TTLL12: variants seen among roughly 807,000 people sequenced by gnomAD.
TTLL12 encodes the protein tubulin tyrosine ligase like 12.
In TTLL12, 77 loss-of-function variants were observed where a neutral mutation model predicts 79.6. That is an observed-to-expected ratio of 0.97 (90% confidence interval 0.81 to 1.17). The LOEUF (loss-of-function observed/expected upper bound fraction) is 1.17. TTLL12 is among the 50% of genes most tolerant of loss of function. TTLL12 has a pLI of 0.00. For synonymous variants in TTLL12, 437 were observed against 376.1 expected (o/e 1.16, Z -1.87); for missense variants, 969 against 895.9 (o/e 1.08, Z -1.04).
Position 43,167,955 on chromosome 22 carries a change from A to G in TTLL12, c.*53T>C. ...GGGGGCCTTTGCAGAAGCAGCTCAG[A>G]GAACTGAGGTTGGAATCCTGCCCCA... is the stretch of plus-strand genomic sequence containing the variant. On this transcript the variant is annotated 3_prime_UTR_variant, in exon 14 of 14. Coordinates refer to ENST00000216129, the MANE Select transcript of TTLL12 (RefSeq NM_015140.4). The G allele has an allele frequency of 6.3e-7, 1 of 1,585,682 alleles. No homozygotes were observed. The highest frequency in any genetic ancestry group is 8.6e-7 in the Non-Finnish European group (1 of 1,162,210).
chr22:43,169,317 T>C (rs191562294), intron 12 of TTLL12, among the ~76,000 whole-genome samples, 183 bp downstream of exon 12: 3 of 152,182 alleles, frequency 2.0e-5, no homozygotes, highest in Non-Finnish European at 2.9e-5. Context: ...CACCCACAAA[T>C]GCCCAGGGTG....
rs1931653510 is a variant in TTLL12 at position 43,167,701 on chromosome 22, G to T, written c.*307C>A. ...GCCAGGAACAAATTCTCCATGCCAG[G>T]AACAAAGCCCTTGGCTAAACTGGAG... is the stretch of plus-strand genomic sequence containing the variant. On this transcript the variant is annotated 3_prime_UTR_variant, in exon 14 of 14. Coordinates refer to ENST00000216129, the MANE Select transcript of TTLL12 (RefSeq NM_015140.4). The T allele has an allele frequency of 3.8e-6, 1 of 261,776 alleles. No individual in the cohort carries two copies. The highest frequency in any genetic ancestry group is 2.2e-5 in the African/African-American group (1 of 45,408). The allele number at this position is 261,776 out of a possible 1,614,324, so 16.2% of individuals were successfully genotyped here.
chr22:43,182,813 G>T (rs923041968), intron 2 of TTLL12, among the ~76,000 whole-genome samples, 167 bp downstream of exon 2: 1 of 152,248 alleles, frequency 6.6e-6, no homozygotes, highest in Non-Finnish European at 1.5e-5. Context: ...GCCACGGACA[G>T]TACTCTGAAG....
chr22:43,179,483 CA>C, intron 5 of TTLL12, 135 bp downstream of exon 5: 1 of 1,293,914 alleles, frequency 7.7e-7, no homozygotes, highest in African/African-American at 1.5e-5. Flanking sequence ...CAGAGGCTCC[CA>C]AAACTCTATG....
At chr22:43,179,317 G>A (rs1931991838) in intron 5 of TTLL12, among the ~76,000 whole-genome samples, 1 of 152,102 alleles carries the variant, frequency 6.6e-6, no homozygotes, top group Non-Finnish European at 1.5e-5. Context: ...GGCTGAGTGG[G>A]GCTCATGGCC....
At chr22:43,186,394 C>T (rs1216219090) in intron 1 of TTLL12, among the ~76,000 whole-genome samples, 1 of 152,222 alleles carries the variant, frequency 6.6e-6, no homozygotes, top group Non-Finnish European at 1.5e-5. Context: ...TCTCCTCCAC[C>T]TCTCACAGCC....
At chr22:43,179,381 G>T (rs1394865790) in intron 5 of TTLL12, among the ~76,000 whole-genome samples, 1 of 152,026 alleles carries the variant, frequency 6.6e-6, no homozygotes, top group African/African-American at 2.4e-5. Context: ...GACCCCCTGA[G>T]GACGGATGCC....
chr22:43,176,428 G>C, intron 5 of TTLL12, 32 bp from the exon 6 acceptor site: 1 of 1,568,530 alleles, frequency 6.4e-7, no homozygotes, highest in South Asian at 1.2e-5. Flanking sequence ...GTAGAGATGA[G>C]GTCAAGGAAG....
chr22:43,167,768 C>T lies in TTLL12; in HGVS notation c.*240G>A, dbSNP rs1390417272. On this transcript the variant is annotated 3_prime_UTR_variant, in exon 14 of 14. Coordinates refer to ENST00000216129, the MANE Select transcript of TTLL12 (RefSeq NM_015140.4). ...ATGGTGGTGAGGGGTGAGGGCAGGGCGTGGGGTGGTGCTCAGCCCTGGGGA... is the reference window on the plus strand; with the variant it reads ...ATGGTGGTGAGGGGTGAGGGCAGGGTGTGGGGTGGTGCTCAGCCCTGGGGA... 22 of 458,964 alleles carry T rather than the reference C, an allele frequency of 4.8e-5. No homozygotes were observed. Among genetic ancestry groups the T allele is most frequent in the Middle Eastern group, 5.8e-4 (1 of 1,712 alleles). 28.4% of individuals were successfully genotyped at this position (458,964 alleles called of 1,614,324 possible).
Position 43,180,898 on chromosome 22 carries a change from G to A in TTLL12, c.390C>T (p.His130=), listed in dbSNP as rs2071723. The stretch of plus-strand genomic sequence containing the variant: ...GCACCTGCTGCAGCTGCTGGCGCGC[G>A]TGCTCCACACGGCACGTCCAGGCGT... ...IDHAWTCRVE[H]ARQQLQQVPG... is the part of the protein sequence containing the mutation. The change falls in exon 3 of 14, where the codon CAC becomes CAT. Residue 130 remains histidine, a synonymous_variant. Transcript: ENST00000216129. The A allele has an allele frequency of 0.39, 635,584 of 1,612,446 alleles. 127,184 individuals are homozygous for A. The highest frequency in any genetic ancestry group is 0.43 in the Admixed American group (26,089 of 59,976).
chr22:43,170,756 CA>C (rs1160656440), intron 11 of TTLL12, among the ~76,000 whole-genome samples: 1 of 152,002 alleles, frequency 6.6e-6, no homozygotes, highest in African/African-American at 2.4e-5. Context: ...ACTAAAAATA[CA>C]AAAAAATTAG....
chr22:43,178,702 CA>C (rs1175076376), intron 5 of TTLL12, among the ~76,000 whole-genome samples: 1 of 152,184 alleles, frequency 6.6e-6, no homozygotes, highest in Non-Finnish European at 1.5e-5. Flanking sequence ...GCCTGGTGTG[CA>C]AAAAGGATGA....
At chr22:43,181,612 G>A (rs533403352) in intron 2 of TTLL12, among the ~76,000 whole-genome samples, 2 of 152,284 alleles carry the variant, frequency 1.3e-5, no homozygotes, top group East Asian at 3.9e-4. Flanking sequence ...TAGGACACAG[G>A]GCTGACCATA....
chr22:43,179,368 G>A (rs1467834384), intron 5 of TTLL12, among the ~76,000 whole-genome samples: 1 of 152,034 alleles, frequency 6.6e-6, no homozygotes, highest in Non-Finnish European at 1.5e-5. Flanking sequence ...AGGGAGCAGC[G>A]TGGACCCCCT....
rs763191449 is a variant in TTLL12, at chr22:43,180,914, G to A, written c.374C>T (p.Thr125Met). The A allele has an allele frequency of 9.3e-6, 15 of 1,612,004 alleles. No homozygotes were observed. The East Asian group carries it at 1.3e-4, about 14-fold the overall frequency. Residue 125 changes from threonine to methionine, a missense_variant, in exon 3 of 14, where the codon ACG becomes ATG. Physicochemically the swap from Thr to Met is moderately conservative, Grantham distance 81. Coordinates refer to ENST00000216129, the MANE Select transcript of TTLL12 (RefSeq NM_015140.4). The stretch of plus-strand genomic sequence containing the variant: ...CTGGCGCGCGTGCTCCACACGGCAC[G>A]TCCAGGCGTGGTCGATGAGGAAGAT... The part of the protein sequence containing the change: ...NSIFLIDHAW[T>M]CRVEHARQQL...
chr22:43,180,617 G>C, intron 3 of TTLL12, 125 bp downstream of exon 3: 1 of 1,128,174 alleles, frequency 8.9e-7, no homozygotes, highest in Non-Finnish European at 1.3e-6. Flanking sequence ...CTCTCCTTAG[G>C]AAGCCACAGG....
chr22:43,186,171 G>C (rs1019230819), intron 1 of TTLL12, among the ~76,000 whole-genome samples: 1 of 134,726 alleles, frequency 7.4e-6, no homozygotes, highest in Non-Finnish European at 1.6e-5. Context: ...GAGATGTCGG[G>C]TCCCAGCTAA....
chr22:43,186,970 G>C lies in TTLL12; in HGVS notation c.100C>G (p.Leu34Val). The change falls in exon 1 of 14, where the codon CTG (leucine) becomes GTG (valine). Residue 34 changes from leucine (L) to valine (V), a missense_variant. By Grantham distance (32) the Leu-to-Val change is conservative. Coordinates refer to ENST00000216129, the MANE Select transcript of TTLL12 (RefSeq NM_015140.4). ...GAAGCGCGCAGCGCCGGGCCGTGCAGCGCCGCGAACTCGGCCAAGGCCTGC... is the reference window on the plus strand; with the variant it reads ...GAAGCGCGCAGCGCCGGGCCGTGCACCGCCGCGAACTCGGCCAAGGCCTGC... Reference protein sequence around the residue: ...GAQALAEFAALHGPALRASGV... With the variant: ...GAQALAEFAAVHGPALRASGV... 1 of 1,320,594 alleles carries C rather than the reference G, an allele frequency of 7.6e-7. No individual in the cohort carries two copies. Among genetic ancestry groups the C allele is most frequent in the Non-Finnish European group, 9.7e-7 (1 of 1,031,390 alleles). The allele number at this position is 1,320,594 out of a possible 1,614,324, so 81.8% of individuals were successfully genotyped here.
rs754706706 is a variant in TTLL12 at position 43,168,037 on chromosome 22, C to G, written c.1906G>C (p.Gly636Arg). ...VFSTLFLDQPGGCHVTCLV is the reference protein window; with the variant it reads ...VFSTLFLDQPRGCHVTCLV ...ACAAGGCAGGTAACGTGGCAGCCAC[C>G]GGGCTGGTCCAGAAACAAGGTGCTG... The change falls in exon 14 of 14, where the codon GGT becomes CGT. Residue 636 changes from glycine to arginine, a missense_variant. By Grantham distance (125) the Gly-to-Arg change is moderately radical (BLOSUM62 -2). Coordinates refer to ENST00000216129, the MANE Select transcript of TTLL12 (RefSeq NM_015140.4). 6.2e-7 allele frequency: 1 copy of G among 1,614,010 alleles called. No homozygotes were observed. The highest frequency in any genetic ancestry group is 8.5e-7 in the Non-Finnish European group (1 of 1,179,938).
Sources: allele counts gnomAD v4.1 joint callset (sites outside exome capture counted in the v4.1 genomes callset), GRCh38; gene constraint gnomAD v4.1.1; transcripts MANE v1.5; gene names NCBI Gene and HGNC (gene_info 2026-07-23, HGNC 2026-07-21).